SNX2: variants seen among roughly 807,000 people sequenced by gnomAD.
SNX2 encodes sorting nexin 2.
A neutral mutation model predicts 69.9 loss-of-function variants in SNX2; 25 were observed. The observed-to-expected ratio is 0.36, with a 90% CI of 0.26 to 0.50. The LOEUF (loss-of-function observed/expected upper bound fraction) is 0.50. Ranked by LOEUF, SNX2 falls within the 20% of genes least tolerant of loss-of-function variation. SNX2 has a pLI of 0.97. For missense variants in SNX2, 551 were observed against 613.3 expected (o/e 0.90, Z 1.07); for synonymous variants, 229 against 200.4 (o/e 1.14, Z -1.20).
chr5:122,813,074 T>C (rs1237220108), intron 7 of SNX2, among the ~76,000 whole-genome samples: 1 of 152,152 alleles, frequency 6.6e-6, no homozygotes, highest in Non-Finnish European at 1.5e-5. Flanking sequence ...CATTGTCTTT[T>C]ATTTCTGACT....
At chr5:122,805,208 T>C (rs926386116) in intron 6 of SNX2, among the ~76,000 whole-genome samples, 1 of 151,122 alleles carries the variant, frequency 6.6e-6, no homozygotes, top group Non-Finnish European at 1.5e-5. Flanking sequence ...GGAGAATTGC[T>C]TGAACTGGGG....
intron 2 of SNX2, among the ~76,000 whole-genome samples, chr5:122,796,810 CTGTGTGTGTT>C (rs1753388827): frequency 1.3e-5 from 2 of 151,990 alleles, no homozygotes; most frequent in South Asian, 4.2e-4. Context: ...AGAACTGTGT[CTGTGTGTGTT>C]TGTGTACATG....
At chr5:122,824,041 A>C (rs1297449659) in intron 11 of SNX2, among the ~76,000 whole-genome samples, 1 of 151,922 alleles carries the variant, frequency 6.6e-6, no homozygotes, top group Admixed American at 6.6e-5. Context: ...CTCTTCTAAA[A>C]ATAAAAATAA....
intron 14 of SNX2, among the ~76,000 whole-genome samples, chr5:122,828,514 ATTTTC>A (rs779525344): frequency 2.6e-5 from 4 of 150,956 alleles, no homozygotes; most frequent in Admixed American, 6.6e-5. Flanking sequence ...CTTGTTCAGT[ATTTTC>A]TTTTCTTCCT....
At chr5:122,775,980 G>C (rs2149998364) in intron 1 of SNX2, among the ~76,000 whole-genome samples, 1 of 152,248 alleles carries the variant, frequency 6.6e-6, no homozygotes, top group South Asian at 2.1e-4. Flanking sequence ...GTGTGTTCCT[G>C]TTTTTGTCAA....
At chr5:122,786,241 C>T (rs963146389) in intron 1 of SNX2, among the ~76,000 whole-genome samples, 1 of 151,930 alleles carries the variant, frequency 6.6e-6, no homozygotes, top group African/African-American at 2.4e-5. Context: ...ACTAATTTGT[C>T]TTTCAAGCAG....
At chr5:122,810,788 A>T (rs1162155015) in intron 7 of SNX2, among the ~76,000 whole-genome samples, 2 of 152,196 alleles carry the variant, frequency 1.3e-5, no homozygotes, top group Non-Finnish European at 2.9e-5. Context: ...ATAGTGAAAA[A>T]AAGAAAGAAA....
At chr5:122,815,704 A>G (rs557844372) in intron 7 of SNX2, 192 bp from the exon 8 acceptor site, 23 of 387,232 alleles carry the variant, frequency 5.9e-5, no homozygotes, top group East Asian at 1.2e-4. Context: ...TAGTATATCA[A>G]TTTTCAAAAG....
At chr5:122,795,169 C>G (rs1581630651) in intron 1 of SNX2, 97 bp from the exon 2 acceptor site, 1 of 758,278 alleles carries the variant, frequency 1.3e-6, no homozygotes, top group East Asian at 2.5e-5. Context: ...TTCCTCCATT[C>G]TTTTCAAGAG....
intron 11 of SNX2, among the ~76,000 whole-genome samples, chr5:122,820,901 T>C (rs1331452804): frequency 6.6e-6 from 1 of 152,206 alleles, no homozygotes; most frequent in African/African-American, 2.4e-5. Context: ...AGAATTATTT[T>C]CCACCAAATA....
rs1753959550 is a variant in SNX2 at position 122,819,016 on chromosome 5, C to A, written c.1205C>A (p.Ala402Glu). 5 of 1,612,446 alleles carry A rather than the reference C, an allele frequency of 3.1e-6. No individual in the cohort carries two copies. The highest frequency in any genetic ancestry group is 4.2e-6 in the Non-Finnish European group (5 of 1,178,686). The change falls in exon 11 of 15, where the codon GCA (alanine) becomes GAA (glutamate). Residue 402 changes from alanine to glutamate, a missense_variant. This residue lies in a region of SNX2 where 360 missense variants were observed against 450.4 expected (regional missense o/e 0.80). Transcript: ENST00000379516. ...LLSDYIRLIAAVKGVFDHRMK... is the reference protein window; with the variant it reads ...LLSDYIRLIAEVKGVFDHRMK... ...AGTGACTACATTCGTCTTATTGCTG[C>A]AGTGAAAGTAAGCCCTTTCTTGCAT...
intron 7 of SNX2, 50 bp from the exon 8 acceptor site, chr5:122,815,846 T>C (rs1439560145): frequency 2.1e-6 from 2 of 968,146 alleles, no homozygotes; most frequent in East Asian, 2.5e-5. Context: ...TTTGTTGAAC[T>C]GTAATTCAAG....
At chr5:122,775,022 C>T (rs1212833817), upstream of SNX2, 29 of 1,304,664 alleles carry the variant, frequency 2.2e-5, no homozygotes, top group Middle Eastern at 2.5e-4. Context: ...GGGAGGCTGG[C>T]GGGTCGGCGC....
chr5:122,798,630 T>A (rs1483716834), intron 2 of SNX2, among the ~76,000 whole-genome samples: 1 of 152,220 alleles, frequency 6.6e-6, no homozygotes, highest in East Asian at 1.9e-4. Context: ...AGGTCCTGCC[T>A]TCCTTTCCTA....
intron 11 of SNX2, among the ~76,000 whole-genome samples, chr5:122,820,315 A>T (rs1753993445): frequency 6.6e-6 from 1 of 152,198 alleles, no homozygotes; most frequent in African/African-American, 2.4e-5. Flanking sequence ...AGGCGGGTGG[A>T]TCACGAGGTC....
intron 3 of SNX2, among the ~76,000 whole-genome samples, chr5:122,801,600 A>C (rs894716061): frequency 1.8e-4 from 18 of 102,336 alleles, no homozygotes; most frequent in Non-Finnish European, 5.7e-5. Context: ...GCAAGACTCT[A>C]TCTTTAAAAA....
At chr5:122,779,330 C>T (rs548650098) in intron 1 of SNX2, among the ~76,000 whole-genome samples, 45 of 152,278 alleles carry the variant, frequency 3.0e-4, no homozygotes, top group Middle Eastern at 3.4e-3. Context: ...TCCCTCATCC[C>T]CTCTGCCCTC....
rs1295988698 is a variant in SNX2 at position 122,801,792 on chromosome 5, T to C, written c.391-77T>C. The C allele has an allele frequency of 3.3e-6, 3 of 899,324 alleles. No individual in the cohort carries two copies. The Admixed American group carries it at 6.6e-5, about 20-fold the overall frequency. 55.7% of individuals were successfully genotyped at this position (899,324 alleles called of 1,614,324 possible). ...TTGTGACAGTGACTCTTACAGAAAA[T>C]AGATGATAAAAATTAGTGTCATGAC... On this transcript the variant is annotated intron_variant, in intron 3 of 14. Coordinates refer to ENST00000379516, the MANE Select transcript of SNX2 (RefSeq NM_003100.4).
At chr5:122,786,834 A>C (rs1167016953) in intron 1 of SNX2, among the ~76,000 whole-genome samples, 1 of 151,778 alleles carries the variant, frequency 6.6e-6, no homozygotes, top group African/African-American at 2.4e-5. Flanking sequence ...TCTGTTGGGG[A>C]GGGAGGCTTT....
Sources: gnomAD v4.1 joint callset for allele counts (sites outside exome capture counted in the v4.1 genomes callset) on GRCh38, gnomAD v4.1.1 for gene constraint, gnomAD v4.1.1 regional missense constraint, MANE v1.5 for transcripts, NCBI Gene and HGNC (gene_info 2026-07-23, HGNC 2026-07-21) for gene names.